Variants in SOX13 observed in about 807,000 individuals in gnomAD.
The protein encoded by SOX13 is SRY-box transcription factor 13.
SOX13 carries 28 observed loss-of-function variants against 71.8 expected under a neutral mutation model. That is an observed-to-expected ratio of 0.39 (90% CI 0.29 to 0.53). SOX13 has a LOEUF of 0.53. Among genes scored for constraint, SOX13 ranks in the 20% least tolerant of loss-of-function variants. The probability of loss-of-function intolerance (pLI) is 0.70; values close to 1 mark genes in which losing one functional copy is unlikely to be tolerated. For synonymous variants in SOX13, 309 were observed against 317.8 expected, an observed-to-expected ratio of 0.97 and a Z score of 0.29; for missense variants, 627 against 810.3, an observed-to-expected ratio of 0.77 and a Z score of 2.75.
Position 204,115,614 on chromosome 1 carries a change from AGATCCTG to A in SOX13, c.419-890_419-884del, listed in dbSNP as rs1656674946. Among the ~76,000 whole-genome samples the A allele has an allele frequency of 2.0e-5, 3 of 146,946 alleles. 1 individual carries two copies. In the South Asian group the frequency reaches 6.6e-4, roughly 32 times the overall value. ...ATTTATTGGTTGAGGACCATGTGCC[AGATCCTG>A]GACTAAGAGCTTTGCATATATTAGC... On this transcript the variant is annotated intron_variant, in intron 4 of 13. Coordinates refer to ENST00000367204, the MANE Select transcript of SOX13 (RefSeq NM_005686.3).
intron 5 of SOX13, 88 bp from the exon 6 acceptor site, chr1:204,117,034 T>C (rs1656708943): frequency 6.8e-6 from 9 of 1,332,518 alleles, no homozygotes; most frequent in African/African-American, 1.4e-5. Context: ...TGCCCCACTG[T>C]AGAAAGCAGG....
At chr1:204,113,181 C>A in intron 2 of SOX13, 47 bp downstream of exon 2, 1 of 1,418,258 alleles carries the variant, frequency 7.1e-7, no homozygotes, top group African/African-American at 1.4e-5. Flanking sequence ...TGCGCTGTAC[C>A]TGGGCTCTCT....
chr1:204,116,968 G>A (rs935251526), intron 5 of SOX13, among the ~76,000 whole-genome samples, 154 bp from the exon 6 acceptor site: 1 of 152,200 alleles, frequency 6.6e-6, no homozygotes, highest in African/African-American at 2.4e-5. Context: ...TGCAAAAGGA[G>A]AACCAATTCT....
chr1:204,124,186 C>T lies in SOX13; in HGVS notation c.1375+382C>T, dbSNP rs917915259. On this transcript the variant is annotated intron_variant, in intron 12 of 13. Coordinates refer to ENST00000367204, the MANE Select transcript of SOX13 (RefSeq NM_005686.3). ...AATTATATGTCCTGATTGGTGGCCACGGAGGGATGTTGGGCAGGGCAGATG... is the reference window on the plus strand; with the variant it reads ...AATTATATGTCCTGATTGGTGGCCATGGAGGGATGTTGGGCAGGGCAGATG... Among the ~76,000 whole-genome samples the T allele has an allele frequency of 1.9e-4, 29 of 152,200 alleles. 1 individual carries two copies. Among genetic ancestry groups the T allele is most frequent in the South Asian group, 4.2e-4 (2 of 4,818 alleles).
At chr1:204,077,625 T>C (rs900400484) in intron 1 of SOX13, among the ~76,000 whole-genome samples, 1 of 152,190 alleles carries the variant, frequency 6.6e-6, no homozygotes, top group Non-Finnish European at 1.5e-5. Context: ...GTACAGAGAA[T>C]TGTAAGTATA....
intron 8 of SOX13, 71 bp from the exon 9 acceptor site, chr1:204,122,166 C>A: frequency 7.4e-7 from 1 of 1,352,692 alleles, no homozygotes; most frequent in Non-Finnish European, 1.0e-6. Context: ...GCTCACCTCA[C>A]TTCCTCTCTG....
chr1:204,105,775 A>T (rs1656458347), intron 1 of SOX13, among the ~76,000 whole-genome samples: 1 of 152,120 alleles, frequency 6.6e-6, no homozygotes. Flanking sequence ...TTCTCTGTTT[A>T]TAAAATGTGT....
intron 1 of SOX13, among the ~76,000 whole-genome samples, chr1:204,085,964 G>A (rs1427955347): frequency 6.8e-6 from 1 of 147,708 alleles, no homozygotes; most frequent in Non-Finnish European, 1.5e-5. Context: ...GCAAGACTCC[G>A]TCTCAAAAAA....
chr1:204,106,844 A>G (rs1656480891), intron 1 of SOX13, among the ~76,000 whole-genome samples: 1 of 152,218 alleles, frequency 6.6e-6, no homozygotes. Context: ...ATCATTACCA[A>G]TTGTGATAAA....
intron 1 of SOX13, among the ~76,000 whole-genome samples, chr1:204,112,499 G>A (rs996111001): frequency 1.7e-4 from 10 of 58,030 alleles, no homozygotes; most frequent in Non-Finnish European, 3.2e-4. Context: ...GCACACATGC[G>A]TGCACACACA....
At chr1:204,106,136 G>A (rs1420003698) in intron 1 of SOX13, among the ~76,000 whole-genome samples, 1 of 152,162 alleles carries the variant, frequency 6.6e-6, no homozygotes, top group Non-Finnish European at 1.5e-5. Context: ...ACTCCAACGG[G>A]GTCTTTAAAT....
intron 1 of SOX13, among the ~76,000 whole-genome samples, chr1:204,108,139 A>G (rs991244475): frequency 6.6e-6 from 1 of 152,226 alleles, no homozygotes; most frequent in African/African-American, 2.4e-5. Context: ...AATATTTGCT[A>G]GTAGCTGTAT....
chr1:204,115,944 G>T (rs967836607), intron 4 of SOX13: 1 of 219,220 alleles, frequency 4.6e-6, no homozygotes, highest in East Asian at 1.3e-4. Context: ...GGGATTACAG[G>T]CGTGAGCCAC....
intron 7 of SOX13, among the ~76,000 whole-genome samples, chr1:204,121,495 T>C (rs780955771): frequency 6.6e-6 from 1 of 152,222 alleles, no homozygotes; most frequent in Non-Finnish European, 1.5e-5. Flanking sequence ...TCACATACCA[T>C]GTATTATTGT....
rs1275177272 is a variant in SOX13 at position 204,125,851 on chromosome 1, C to T, written c.1593-7C>T. 3 of 1,605,928 alleles carry T rather than the reference C, an allele frequency of 1.9e-6. No homozygotes were observed. Among genetic ancestry groups the T allele is most frequent in the Non-Finnish European group, 1.7e-6 (2 of 1,177,564 alleles). On this transcript the variant is annotated splice_region_variant and splice_polypyrimidine_tract_variant and intron_variant, in intron 13 of 13. Transcript: ENST00000367204. ...ATCCATCACCGTTCCCCTTCTCTGC[C>T]CCACAGCCCGCAGGCTGGCCAGGTG...
chr1:204,085,563 C>A, intron 1 of SOX13, among the ~76,000 whole-genome samples: 1 of 151,814 alleles, frequency 6.6e-6, no homozygotes, highest in East Asian at 1.9e-4. Flanking sequence ...ATAATGAACT[C>A]TTCTAAGATT....
At chr1:204,122,806 C>A (rs1318091287) in intron 9 of SOX13, 48 bp from the exon 10 acceptor site, 2 of 1,224,228 alleles carry the variant, frequency 1.6e-6, no homozygotes, top group Admixed American at 4.5e-5. Context: ...GGGCTGATGC[C>A]CTCAGCTTCT....
chr1:204,114,984 A>G lies in SOX13; in HGVS notation c.418+379A>G, dbSNP rs553576801. 1.5e-4 allele frequency among the ~76,000 whole-genome samples: 23 copies of G among 151,974 alleles called. No homozygotes were observed. The East Asian group carries it at 4.5e-3, about 29-fold the overall frequency. On this transcript the variant is annotated intron_variant, in intron 4 of 13. Transcript: ENST00000367204. ...ACTAAGTGAGTGAAAAGTAGTTACT[A>G]ATGGGCTGCTGCTTGGGTTCCTTAG... is the stretch of plus-strand genomic sequence containing the variant.
intron 1 of SOX13, among the ~76,000 whole-genome samples, chr1:204,087,123 C>T (rs575745644): frequency 4.9e-4 from 74 of 152,100 alleles, no homozygotes; most frequent in Middle Eastern, 6.3e-3. Context: ...GGGGTTTCAC[C>T]GTGTTAGCCA....
Sources: gnomAD v4.1 joint callset for allele counts (sites outside exome capture counted in the v4.1 genomes callset) on GRCh38, gnomAD v4.1.1 for gene constraint, MANE v1.5 for transcripts, NCBI Gene and HGNC (gene_info 2026-07-23, HGNC 2026-07-21) for gene names.